Variants in CYP39A1 observed in about 807,000 individuals in gnomAD.
CYP39A1 encodes the protein cytochrome P450 family 39 subfamily A member 1.
In CYP39A1, 49 loss-of-function variants were observed where a neutral mutation model predicts 58.1. The ratio of observed to expected loss-of-function variants is 0.84; its 90% confidence interval spans 0.67 to 1.07. The LOEUF (loss-of-function observed/expected upper bound fraction) is 1.07. Among genes scored for constraint, CYP39A1 ranks in the 50% least tolerant of loss-of-function variants. The pLI is 0.00. For synonymous variants in CYP39A1, 209 were observed against 187.6 expected (o/e 1.11, Z -0.93); for missense variants, 531 against 539.4 (o/e 0.98, Z 0.16).
intron 7 of CYP39A1, among the ~76,000 whole-genome samples, chr6:46,610,721 C>A (rs1774165079): frequency 2.0e-5 from 3 of 152,046 alleles, no homozygotes; most frequent in Admixed American, 2.0e-4. Context: ...ACTACACTCC[C>A]CCAAAAATGG....
At chr6:46,585,835 A>G (rs1205377747) in intron 10 of CYP39A1, among the ~76,000 whole-genome samples, 1 of 152,146 alleles carries the variant, frequency 6.6e-6, no homozygotes, top group East Asian at 1.9e-4. Flanking sequence ...TGCCATCTAC[A>G]GACTGCACCA....
rs1409205827 is a variant in CYP39A1 at position 46,616,230 on chromosome 6, C to T, written c.931+9188G>A. ...TCCCTCCCTCCCTCCCTCCCTCCCT[C>T]CCTCCCTCCCTCCCTTCCTTCCTTC... is the stretch of plus-strand genomic sequence containing the variant. On this transcript the variant is annotated intron_variant, in intron 7 of 11. Coordinates refer to ENST00000275016, the MANE Select transcript of CYP39A1 (RefSeq NM_016593.5). Among the ~76,000 whole-genome samples the T allele has an allele frequency of 1.3e-3, 44 of 33,534 alleles. 3 individuals are homozygous for T. The highest frequency in any genetic ancestry group is 6.0e-3 in the African/African-American group (33 of 5,512). The allele number at this position is 33,534 out of a possible 152,430, so 22.0% of individuals were successfully genotyped here. A position where few individuals can be genotyped will look rare whatever the true frequency, so the allele number is the denominator to read the frequency against.
At chr6:46,607,106 C>T (rs1449200199) in intron 7 of CYP39A1, among the ~76,000 whole-genome samples, 2 of 152,112 alleles carry the variant, frequency 1.3e-5, no homozygotes, top group Admixed American at 6.6e-5. Context: ...AAGCCTTCAA[C>T]CTTGCTACTA....
At chr6:46,574,459 AG>A (rs1254089458) in intron 10 of CYP39A1, among the ~76,000 whole-genome samples, 1 of 152,232 alleles carries the variant, frequency 6.6e-6, no homozygotes, top group African/African-American at 2.4e-5. Context: ...TAAAACTATT[AG>A]AAAGCGAGGA....
At chr6:46,610,703 T>C (rs1561988951) in intron 7 of CYP39A1, among the ~76,000 whole-genome samples, 1 of 152,144 alleles carries the variant, frequency 6.6e-6, no homozygotes, top group Non-Finnish European at 1.5e-5. Context: ...TTTTAAATCA[T>C]TTAGCTAACT....
At chr6:46,608,592 T>C (rs1773989260) in intron 7 of CYP39A1, among the ~76,000 whole-genome samples, 1 of 152,050 alleles carries the variant, frequency 6.6e-6, no homozygotes. Flanking sequence ...GATAATACCA[T>C]TCACAATAGG....
At chr6:46,553,153 G>A (rs962716942) in intron 11 of CYP39A1, among the ~76,000 whole-genome samples, 1 of 150,458 alleles carries the variant, frequency 6.6e-6, no homozygotes, top group Admixed American at 6.6e-5. Context: ...AAATTCTAGC[G>A]ATAAATAGCA....
Position 46,642,184 on chromosome 6 carries a change from G to A in CYP39A1, c.292C>T (p.Gln98Ter). 6.2e-7 allele frequency: 1 copy of A among 1,612,672 alleles called. No individual in the cohort carries two copies. The highest frequency in any genetic ancestry group is 8.5e-7 in the Non-Finnish European group (1 of 1,179,278). The change falls in exon 2 of 12, where the codon CAA becomes TAA. Residue 98 changes from glutamine to a stop codon, truncating the protein, a stop_gained. Transcript: ENST00000275016. LOFTEE classifies it high-confidence loss of function. Reference protein sequence around the residue: ...SKKVDFELAVQNIVYRTASIP... With the variant: ...SKKVDFELAV Reference sequence around the variant, plus strand: ...TTACCTGTACGATAAACGATATTTTGCACTGCTAGTTCAAAATCTACTTTT... The same window carrying A: ...TTACCTGTACGATAAACGATATTTTACACTGCTAGTTCAAAATCTACTTTT...
At chr6:46,633,624 C>T (rs756625257) in intron 5 of CYP39A1, among the ~76,000 whole-genome samples, 11 of 152,122 alleles carry the variant, frequency 7.2e-5, no homozygotes, top group African/African-American at 2.4e-4. Context: ...TTCGGGAGGC[C>T]GAGGCAGGTG....
At chr6:46,587,188 T>C in intron 9 of CYP39A1, 23 bp from the exon 10 acceptor site, 1 of 1,492,104 alleles carries the variant, frequency 6.7e-7, no homozygotes, top group Non-Finnish European at 9.3e-7. Context: ...AACATTTTTT[T>C]TTCCAAATCA....
intron 6 of CYP39A1, among the ~76,000 whole-genome samples, chr6:46,630,508 A>T (rs1218679491): frequency 6.6e-6 from 1 of 152,146 alleles, no homozygotes; most frequent in Admixed American, 6.5e-5. Context: ...AATTACCACC[A>T]TGACAGTCTA....
At chr6:46,595,942 T>G in intron 8 of CYP39A1, 45 bp downstream of exon 8, 3 of 1,577,548 alleles carry the variant, frequency 1.9e-6, no homozygotes, top group Non-Finnish European at 2.6e-6. Flanking sequence ...AATGTGTACT[T>G]TTTTTGTAGA....
chr6:46,555,061 A>T (rs1770603589), intron 10 of CYP39A1, among the ~76,000 whole-genome samples: 2 of 151,864 alleles, frequency 1.3e-5, no homozygotes, highest in South Asian at 4.2e-4. Context: ...ACACACACAC[A>T]CACACACACA....
intron 7 of CYP39A1, among the ~76,000 whole-genome samples, chr6:46,621,998 T>A (rs959309701): frequency 2.6e-5 from 4 of 152,162 alleles, no homozygotes; most frequent in Admixed American, 6.6e-5. Flanking sequence ...GCATGGATGC[T>A]TCAAGACCTG....
At chr6:46,589,027 T>C (rs1772649672) in intron 8 of CYP39A1, among the ~76,000 whole-genome samples, 1 of 152,198 alleles carries the variant, frequency 6.6e-6, no homozygotes, top group Non-Finnish European at 1.5e-5. Context: ...GATATTTTAT[T>C]AGGTAATTCC....
chr6:46,633,202 A>C (rs1333429202), intron 5 of CYP39A1, among the ~76,000 whole-genome samples: 3 of 152,212 alleles, frequency 2.0e-5, no homozygotes, highest in African/African-American at 7.2e-5. Context: ...CAGAATTGAA[A>C]ATAGTTTAGA....
chr6:46,582,830 T>A (rs1242883085), intron 10 of CYP39A1, among the ~76,000 whole-genome samples: 2 of 152,056 alleles, frequency 1.3e-5, no homozygotes, highest in Non-Finnish European at 2.9e-5. Flanking sequence ...AGGGGCTTCA[T>A]CTGATTTGTT....
chr6:46,639,446 T>A (rs1776190586), intron 3 of CYP39A1, 48 bp downstream of exon 3: 6 of 1,576,518 alleles, frequency 3.8e-6, no homozygotes, highest in Non-Finnish European at 5.2e-6. Flanking sequence ...TCAATTTTTT[T>A]ATTTAAAACA....
At position 46,605,698 on chromosome 6, in the gene CYP39A1, A is replaced by C. The variant is rs533236414; in HGVS notation, c.932-9578T>G. 2.6e-3 allele frequency among the ~76,000 whole-genome samples: 390 copies of C among 152,236 alleles called. 4 individuals are homozygous for C. The highest frequency in any genetic ancestry group is 6.8e-3 in the Middle Eastern group (2 of 294). ...TTTCTCCCTCCAAAGATAATTAGAA[A>C]CCTGAGATGGGGTCCAAACAATTTA... On this transcript the variant is annotated intron_variant, in intron 7 of 11. Transcript: ENST00000275016.
Sources: gnomAD v4.1 joint callset for allele counts (sites outside exome capture counted in the v4.1 genomes callset) on GRCh38, gnomAD v4.1.1 for gene constraint, MANE v1.5 for transcripts, NCBI Gene and HGNC (gene_info 2026-07-23, HGNC 2026-07-21) for gene names.